ADAMTSL1: variants seen among roughly 807,000 people sequenced by gnomAD.
ADAMTSL1 encodes ADAMTS like 1.
ADAMTSL1 carries 126 observed loss-of-function variants against 201.8 expected under a neutral mutation model. That is an observed-to-expected ratio of 0.62 (90% CI 0.54 to 0.72). The LOEUF is 0.72. Among genes scored for constraint, ADAMTSL1 ranks in the 30% least tolerant of loss-of-function variants. The pLI is 0.00. For missense variants in ADAMTSL1, 2,679 were observed against 2,277.8 expected, an observed-to-expected ratio of 1.18 and a Z score of -3.59; for synonymous variants, 1,121 against 903.4, an observed-to-expected ratio of 1.24 and a Z score of -4.32.
chr9:17,982,478 G>T (rs1818745294), intron 1 of ADAMTSL1, among the ~76,000 whole-genome samples: 1 of 152,076 alleles, frequency 6.6e-6, no homozygotes, highest in Non-Finnish European at 1.5e-5. Flanking sequence ...TGGTCGTGGT[G>T]GTGGACGCTT....
At chr9:17,976,936 A>T (rs537073124) in intron 1 of ADAMTSL1, among the ~76,000 whole-genome samples, 259 of 152,092 alleles carry the variant, frequency 1.7e-3, no homozygotes, top group Non-Finnish European at 3.2e-3. Context: ...AAAGCTTTTC[A>T]CTGTTGAGTA....
intron 2 of ADAMTSL1, among the ~76,000 whole-genome samples, chr9:18,292,672 C>G (rs1019583695): frequency 6.6e-6 from 1 of 152,140 alleles, no homozygotes; most frequent in East Asian, 1.9e-4. Flanking sequence ...TGGATGCTTC[C>G]TGCCCTGGAA....
intron 2 of ADAMTSL1, among the ~76,000 whole-genome samples, chr9:18,165,441 G>T (rs1291569460): frequency 6.6e-6 from 1 of 151,616 alleles, no homozygotes; most frequent in African/African-American, 2.4e-5. Context: ...AGCATCAAAG[G>T]GTGTCATAAA....
chr9:18,571,040 A>T (rs1199221676), intron 3 of ADAMTSL1, among the ~76,000 whole-genome samples: 3 of 152,196 alleles, frequency 2.0e-5, no homozygotes, highest in Non-Finnish European at 4.4e-5. Context: ...TTAACATTTT[A>T]ACTTCATTGG....
At chr9:18,562,005 C>A (rs576589247) in intron 3 of ADAMTSL1, among the ~76,000 whole-genome samples, 62 of 152,194 alleles carry the variant, frequency 4.1e-4, no homozygotes, top group African/African-American at 1.5e-3. Context: ...TTAATTGGGG[C>A]ATTTAGTCCA....
At chr9:18,886,973 G>A (rs1436264231) in intron 23 of ADAMTSL1, among the ~76,000 whole-genome samples, 1 of 151,714 alleles carries the variant, frequency 6.6e-6, no homozygotes, top group African/African-American at 2.4e-5. Context: ...CCCCAGAGCA[G>A]TAGGTACCAA....
At chr9:18,175,851 T>TC (rs1828122651) in intron 2 of ADAMTSL1, among the ~76,000 whole-genome samples, 1 of 151,890 alleles carries the variant, frequency 6.6e-6, no homozygotes, top group African/African-American at 2.4e-5. Context: ...ATATGGAGAA[T>TC]CCTTGACTCA....
intron 13 of ADAMTSL1, among the ~76,000 whole-genome samples, chr9:18,699,076 C>A (rs1404922553): frequency 6.6e-6 from 1 of 152,220 alleles, no homozygotes; most frequent in African/African-American, 2.4e-5. Flanking sequence ...GCCCCTGCAA[C>A]ATTTTCCTCT....
chr9:18,452,545 A>G (rs147945325), intron 2 of ADAMTSL1, among the ~76,000 whole-genome samples: 83 of 152,306 alleles, frequency 5.4e-4, no homozygotes, highest in African/African-American at 1.9e-3. Context: ...TGTAGATGAA[A>G]CTCCAGGCAT....
intron 1 of ADAMTSL1, among the ~76,000 whole-genome samples, chr9:18,119,354 G>A (rs1447616460): frequency 1.3e-5 from 2 of 151,938 alleles, no homozygotes; most frequent in African/African-American, 4.8e-5. Flanking sequence ...GTAGAGTGGC[G>A]TGATCTCGGC....
chr9:18,227,066 T>G (rs1480356664), intron 2 of ADAMTSL1, among the ~76,000 whole-genome samples: 3 of 152,194 alleles, frequency 2.0e-5, no homozygotes, highest in Non-Finnish European at 4.4e-5. Flanking sequence ...TTTTCATTAC[T>G]GTTATTCTTT....
chr9:18,806,494 G>GCA (rs1223658329), intron 20 of ADAMTSL1, among the ~76,000 whole-genome samples: 2 of 152,192 alleles, frequency 1.3e-5, no homozygotes, highest in Non-Finnish European at 2.9e-5. Flanking sequence ...GTTTCTATTA[G>GCA]CAGAGGCCTG....
chr9:18,413,045 C>T (rs553386808), intron 2 of ADAMTSL1, among the ~76,000 whole-genome samples: 2 of 151,932 alleles, frequency 1.3e-5, no homozygotes, highest in South Asian at 2.1e-4. Context: ...AAAGTTAAGG[C>T]GTGTTTTACC....
chr9:18,049,128 A>T (rs1821804227), intron 1 of ADAMTSL1, among the ~76,000 whole-genome samples: 1 of 152,152 alleles, frequency 6.6e-6, no homozygotes, highest in South Asian at 2.1e-4. Context: ...TCATGGGTTT[A>T]TGGAAGATTC....
At chr9:18,225,589 C>G (rs1257061266) in intron 2 of ADAMTSL1, among the ~76,000 whole-genome samples, 2 of 152,088 alleles carry the variant, frequency 1.3e-5, no homozygotes, top group Non-Finnish European at 2.9e-5. Flanking sequence ...TCACATTTCT[C>G]TAAAATATTA....
intron 13 of ADAMTSL1, among the ~76,000 whole-genome samples, chr9:18,687,069 G>A (rs146084664): frequency 0.018 from 2,733 of 152,278 alleles, 26 homozygotes; most frequent in Non-Finnish European, 0.028. Context: ...CTGGTGCAGG[G>A]TAAGGGAAAT....
chr9:18,483,754 G>C (rs1470019400), intron 1 of ADAMTSL1, among the ~76,000 whole-genome samples: 1 of 152,188 alleles, frequency 6.6e-6, no homozygotes, highest in Non-Finnish European at 1.5e-5. Context: ...GTGAACCTGG[G>C]AGGCGGAGCT....
At chr9:18,824,488 A>T (rs1824408678) in intron 21 of ADAMTSL1, among the ~76,000 whole-genome samples, 1 of 152,020 alleles carries the variant, frequency 6.6e-6, no homozygotes, top group Non-Finnish European at 1.5e-5. Context: ...TCTCTAGCCA[A>T]TTTCAAGGAC....
At chr9:18,788,010 C>A (rs545016992) in intron 19 of ADAMTSL1, among the ~76,000 whole-genome samples, 17 of 152,252 alleles carry the variant, frequency 1.1e-4, no homozygotes, top group Non-Finnish European at 2.1e-4. Flanking sequence ...GGTCAGGTGG[C>A]CTTTCCCATT....
Sources: allele counts gnomAD v4.1 joint callset (sites outside exome capture counted in the v4.1 genomes callset), GRCh38; gene constraint gnomAD v4.1.1; transcripts MANE v1.5; gene names NCBI Gene and HGNC (gene_info 2026-07-23, HGNC 2026-07-21).